Variants in PCYT1B observed in about 807,000 individuals in gnomAD.
PCYT1B encodes the protein phosphate cytidylyltransferase 1B, choline.
In PCYT1B, 10 loss-of-function variants were observed where a neutral mutation model predicts 26.4. The ratio of observed to expected loss-of-function variants is 0.38; its 90% CI spans 0.23 to 0.64. The LOEUF is 0.64. Ranked by LOEUF, PCYT1B falls within the 30% of genes least tolerant of loss-of-function variation. PCYT1B has a pLI of 0.56. For synonymous variants in PCYT1B, 131 were observed against 108.4 expected, an observed-to-expected ratio of 1.21 and a Z score of -1.29; for missense variants, 161 against 292.7, an observed-to-expected ratio of 0.55 and a Z score of 3.28.
chrX:24,670,711 A>G (rs1023012791), intron 1 of PCYT1B, among the ~76,000 whole-genome samples: 18 of 111,919 alleles, frequency 1.6e-4, no homozygotes, highest in African/African-American at 5.5e-4. Flanking sequence ...CAGGAGCTTG[A>G]GTCCTTTTGT....
intron 1 of PCYT1B, among the ~76,000 whole-genome samples, chrX:24,665,072 A>G (rs1484739912): frequency 8.9e-6 from 1 of 112,015 alleles, no homozygotes; most frequent in African/African-American, 3.2e-5. Context: ...TGTTTTGAAG[A>G]TATCTTAAGT....
chrX:24,584,147 C>A (rs988287829), intron 5 of PCYT1B, among the ~76,000 whole-genome samples: 2 of 110,490 alleles, frequency 1.8e-5, no homozygotes, highest in Admixed American at 9.7e-5. Flanking sequence ...CCAGTCTGGG[C>A]AACATAGGGA....
intron 1 of PCYT1B, among the ~76,000 whole-genome samples, chrX:24,631,036 C>T (rs1365335079): frequency 1.6e-4 from 18 of 111,600 alleles, no homozygotes; most frequent in African/African-American, 5.5e-4. Flanking sequence ...CATTCTCCTG[C>T]CTCAGCCTCC....
chrX:24,605,722 C>T (rs1056801361), intron 3 of PCYT1B, among the ~76,000 whole-genome samples: 2 of 110,861 alleles, frequency 1.8e-5, no homozygotes, highest in African/African-American at 6.6e-5. Context: ...GCCAGGAGTT[C>T]GAGACCTGGC....
intron 2 of PCYT1B, among the ~76,000 whole-genome samples, chrX:24,617,165 T>C (rs928636997): frequency 8.9e-6 from 1 of 111,980 alleles, no homozygotes; most frequent in Non-Finnish European, 1.9e-5. Context: ...TAGTAGTGAA[T>C]GACCTTGTGC....
chrX:24,647,309 C>CA lies in PCYT1B; in HGVS notation c.-205dup. 1 of 1,018,753 alleles carries CA rather than the reference C, an allele frequency of 9.8e-7. No homozygotes were observed. The highest frequency in any genetic ancestry group is 1.2e-6 in the Non-Finnish European group (1 of 801,985). The allele number at this position is 1,018,753 out of a possible 1,213,427, so 84.0% of individuals were successfully genotyped here. ...TCTCTCTCTCCCAGAAGCCAAGAGGCAAGGCCTCAGTTTATCACTATAACA... is the reference window on the plus strand; with the variant it reads ...TCTCTCTCTCCCAGAAGCCAAGAGGCAAAGGCCTCAGTTTATCACTATAACA... On this transcript the variant is annotated 5_prime_UTR_variant, in exon 1 of 8. Transcript: ENST00000379144.
chrX:24,646,746 C>T (rs1458271091), intron 1 of PCYT1B, among the ~76,000 whole-genome samples: 1 of 111,227 alleles, frequency 9.0e-6, no homozygotes, highest in African/African-American at 3.3e-5. Flanking sequence ...TCCCGAAGCA[C>T]AAAAACACAG....
At chrX:24,645,118 A>G (rs61760930) in intron 1 of PCYT1B, among the ~76,000 whole-genome samples, 114 of 110,759 alleles carry the variant, frequency 1.0e-3, no homozygotes, top group African/African-American at 3.7e-3. Context: ...TTCTCTGCCC[A>G]TCTCCCTCAG....
rs202168053 is a variant in PCYT1B at position 24,559,433 on chromosome X, G to T, written c.*2860C>A. 1 of 41,388 alleles carries T rather than the reference G, an allele frequency of 2.4e-5. No individual in the cohort carries two copies. The highest frequency in any genetic ancestry group is 7.2e-4 in the East Asian group (1 of 1,391). 3.4% of individuals were successfully genotyped at this position (41,388 alleles called of 1,213,427 possible). ...AGGAAAGAAAAAGAGAAAGAAGAAA[G>T]AAAAAGAAAGAGAGAGAGAGAGAAA... On this transcript the variant is annotated 3_prime_UTR_variant, in exon 8 of 8. Transcript: ENST00000379144.
chrX:24,599,334 CAGA>C (rs1379820164), intron 3 of PCYT1B, among the ~76,000 whole-genome samples: 1 of 111,712 alleles, frequency 9.0e-6, no homozygotes, highest in Non-Finnish European at 1.9e-5. Flanking sequence ...GTAAATAACT[CAGA>C]AGTTCAAAGA....
At chrX:24,607,139 A>C (rs961757352) in intron 3 of PCYT1B, among the ~76,000 whole-genome samples, 1 of 112,163 alleles carries the variant, frequency 8.9e-6, no homozygotes, top group African/African-American at 3.2e-5. Flanking sequence ...ATTTCAGTCC[A>C]CATCTAACGA....
At chrX:24,670,156 A>AAGGAAGGAAGGAAG (rs1927227600) in intron 1 of PCYT1B, among the ~76,000 whole-genome samples, 1 of 74,962 alleles carries the variant, frequency 1.3e-5, no homozygotes, top group Admixed American at 1.6e-4. Context: ...AAGGAAGGAA[A>AAGGAAGGAAGGAAG]TGGGAATATA....
chrX:24,653,476 T>A (rs910785487), intron 1 of PCYT1B, among the ~76,000 whole-genome samples: 2 of 111,698 alleles, frequency 1.8e-5, no homozygotes, highest in Non-Finnish European at 3.8e-5. Context: ...AGTCAGTGTA[T>A]AAATACCCTA....
intron 1 of PCYT1B, among the ~76,000 whole-genome samples, chrX:24,626,924 A>G (rs761554359): frequency 8.9e-6 from 1 of 112,208 alleles, no homozygotes; most frequent in Non-Finnish European, 1.9e-5. Context: ...AACAAGCAAC[A>G]AAAAAGAACA....
chrX:24,629,559 C>CAAAAA (rs1165553186), intron 1 of PCYT1B, among the ~76,000 whole-genome samples: 2,642 of 16,119 alleles, frequency 0.16, 806 homozygotes, highest in Non-Finnish European at 0.21. Flanking sequence ...GACCCTGTCT[C>CAAAAA]AAAAAAAAAA....
chrX:24,654,852 C>T (rs1038494416), intron 1 of PCYT1B, among the ~76,000 whole-genome samples: 1 of 108,995 alleles, frequency 9.2e-6, no homozygotes, highest in Non-Finnish European at 1.9e-5. Flanking sequence ...TCAGATTTCC[C>T]AGAAAGCATT....
chrX:24,637,487 A>ATATATATATAT (rs1218518627), intron 1 of PCYT1B, among the ~76,000 whole-genome samples: 4 of 56,171 alleles, frequency 7.1e-5, no homozygotes, highest in African/African-American at 1.5e-4. Context: ...ACTAAAAAAA[A>ATATATATATAT]AAAAATATAT....
intron 7 of PCYT1B, among the ~76,000 whole-genome samples, chrX:24,572,423 A>G (rs760785078): frequency 2.8e-4 from 31 of 111,588 alleles, no homozygotes; most frequent in African/African-American, 1.0e-3. Flanking sequence ...TGGAATACCC[A>G]CTATAAGTTA....
At chrX:24,576,914 A>G (rs1924035561) in intron 6 of PCYT1B, among the ~76,000 whole-genome samples, 1 of 111,949 alleles carries the variant, frequency 8.9e-6, no homozygotes, top group Non-Finnish European at 1.9e-5. Flanking sequence ...CAAGTAAAAC[A>G]CTTAGATGAG....
Sources: allele counts gnomAD v4.1 joint callset (sites outside exome capture counted in the v4.1 genomes callset), GRCh38; gene constraint gnomAD v4.1.1; transcripts MANE v1.5; gene names NCBI Gene and HGNC (gene_info 2026-07-23, HGNC 2026-07-21).